PPFIA1: variants seen among roughly 807,000 people sequenced by gnomAD.
PPFIA1 encodes PPFI scaffold protein A1.
In PPFIA1, 25 loss-of-function variants were observed where a neutral mutation model predicts 149.9. That is an observed-to-expected ratio of 0.17 (90% confidence interval 0.12 to 0.23). The LOEUF (loss-of-function observed/expected upper bound fraction) is 0.23. PPFIA1 is among the 10% of genes least tolerant of loss of function. The pLI is 1.00. For synonymous variants in PPFIA1, 549 were observed against 552.8 expected (o/e 0.99, Z 0.10); for missense variants, 1,362 against 1,506.5 (o/e 0.90, Z 1.59).
intron 19 of PPFIA1, among the ~76,000 whole-genome samples, chr11:70,360,164 T>C (rs2056566196): frequency 6.6e-6 from 1 of 152,258 alleles, no homozygotes; most frequent in South Asian, 2.1e-4. Context: ...CTACCTCCAC[T>C]GTCTTAACAC....
intron 19 of PPFIA1, among the ~76,000 whole-genome samples, chr11:70,357,759 T>C (rs952898083): frequency 6.6e-6 from 1 of 152,218 alleles, no homozygotes; most frequent in East Asian, 1.9e-4. Flanking sequence ...GGCTAATTTT[T>C]TGTATTTTTA....
chr11:70,301,817 CATA>C (rs1184437290), intron 2 of PPFIA1, among the ~76,000 whole-genome samples: 3 of 152,312 alleles, frequency 2.0e-5, no homozygotes, highest in African/African-American at 7.2e-5. Flanking sequence ...TGAAACCATT[CATA>C]GAGCTCTCGT....
At chr11:70,312,806 C>T (rs917319179) in intron 2 of PPFIA1, among the ~76,000 whole-genome samples, 2 of 152,330 alleles carry the variant, frequency 1.3e-5, no homozygotes, top group African/African-American at 4.8e-5. Flanking sequence ...GGGTGCCCAG[C>T]ACTTTGTCAC....
intron 2 of PPFIA1, among the ~76,000 whole-genome samples, chr11:70,294,897 A>G (rs2051801256): frequency 6.6e-6 from 1 of 151,678 alleles, no homozygotes; most frequent in Admixed American, 6.6e-5. Context: ...ACAGGATCCC[A>G]AGGCAGAAGA....
At chr11:70,349,216 C>T (rs1033454902) in intron 16 of PPFIA1, among the ~76,000 whole-genome samples, 38 of 151,678 alleles carry the variant, frequency 2.5e-4, no homozygotes, top group Admixed American at 2.4e-3. Context: ...TGCTTCGTGG[C>T]TCCCTAAGGA....
intron 23 of PPFIA1, among the ~76,000 whole-genome samples, chr11:70,373,069 C>G (rs1413461099): frequency 6.6e-6 from 1 of 152,126 alleles, no homozygotes; most frequent in Non-Finnish European, 1.5e-5. Context: ...GGAGGAGCTG[C>G]TTAGGGTAAG....
At chr11:70,334,112 A>T (rs916225366) in intron 10 of PPFIA1, among the ~76,000 whole-genome samples, 1 of 152,156 alleles carries the variant, frequency 6.6e-6, no homozygotes, top group Non-Finnish European at 1.5e-5. Flanking sequence ...ACTTCTGTCC[A>T]TTGAATCCTA....
intron 21 of PPFIA1, among the ~76,000 whole-genome samples, chr11:70,371,006 G>C (rs1410758260): frequency 6.6e-6 from 1 of 152,018 alleles, no homozygotes; most frequent in Admixed American, 6.6e-5. Flanking sequence ...GGTGGCTTGT[G>C]CTTGTAATCC....
At chr11:70,330,907 A>C (rs1313647989) in intron 8 of PPFIA1, among the ~76,000 whole-genome samples, 1 of 152,184 alleles carries the variant, frequency 6.6e-6, no homozygotes, top group Non-Finnish European at 1.5e-5. Flanking sequence ...ACTGGACTCC[A>C]GCCTGGGCCA....
intron 2 of PPFIA1, among the ~76,000 whole-genome samples, chr11:70,289,586 G>T (rs1340904470): frequency 6.6e-6 from 1 of 152,180 alleles, no homozygotes; most frequent in Non-Finnish European, 1.5e-5. Flanking sequence ...AGAGTAATGG[G>T]TTTAAAACAA....
At chr11:70,360,806 T>A (rs1028633122) in intron 19 of PPFIA1, among the ~76,000 whole-genome samples, 1 of 152,276 alleles carries the variant, frequency 6.6e-6, no homozygotes, top group Non-Finnish European at 1.5e-5. Context: ...GTATATGTCT[T>A]ATGAAATTAT....
At chr11:70,376,996 C>G (rs900117354) in intron 25 of PPFIA1, among the ~76,000 whole-genome samples, 1 of 151,984 alleles carries the variant, frequency 6.6e-6, no homozygotes, top group Non-Finnish European at 1.5e-5. Flanking sequence ...TCGCTTAAAC[C>G]TGGGAGGTGG....
At chr11:70,276,270 CTTT>C (rs567492443) in intron 2 of PPFIA1, among the ~76,000 whole-genome samples, 2 of 136,492 alleles carry the variant, frequency 1.5e-5, no homozygotes, top group Admixed American at 7.4e-5. Flanking sequence ...CTGCGCCTTG[CTTT>C]TTTTTTTTTT....
At chr11:70,276,676 A>T (rs1162690126) in intron 2 of PPFIA1, among the ~76,000 whole-genome samples, 1 of 152,122 alleles carries the variant, frequency 6.6e-6, no homozygotes, top group Admixed American at 6.5e-5. Context: ...TGAGAAGGAA[A>T]AATTTTAGAA....
intron 21 of PPFIA1, 129 bp downstream of exon 21, chr11:70,362,617 T>C (rs2056719670): frequency 1.1e-6 from 1 of 885,280 alleles, no homozygotes; most frequent in Non-Finnish European, 1.6e-6. Flanking sequence ...TTCAAAATTT[T>C]AGCATCACAT....
At chr11:70,349,335 A>T (rs2055910979) in intron 16 of PPFIA1, among the ~76,000 whole-genome samples, 1 of 152,006 alleles carries the variant, frequency 6.6e-6, no homozygotes, top group Non-Finnish European at 1.5e-5. Context: ...GGAATGTTTA[A>T]AACTTTCCTT....
chr11:70,378,296 C>A, intron 26 of PPFIA1, 101 bp downstream of exon 26: 1 of 1,439,660 alleles, frequency 6.9e-7, no homozygotes, highest in Non-Finnish European at 9.2e-7. Context: ...TAATATGTTA[C>A]AAGGCACTTG....
At chr11:70,286,754 C>CTTT (rs957912008) in intron 2 of PPFIA1, among the ~76,000 whole-genome samples, 38 of 123,972 alleles carry the variant, frequency 3.1e-4, no homozygotes, top group Non-Finnish European at 3.8e-4. Context: ...TTCTTTCTTT[C>CTTT]TTTTTTTTTT....
At chr11:70,368,821 G>T (rs1290479317) in intron 21 of PPFIA1, among the ~76,000 whole-genome samples, 1 of 152,076 alleles carries the variant, frequency 6.6e-6, no homozygotes, top group Non-Finnish European at 1.5e-5. Flanking sequence ...TATTTCTTTT[G>T]CAATTTATGT....
Sources: allele counts gnomAD v4.1 joint callset (sites outside exome capture counted in the v4.1 genomes callset), GRCh38; gene constraint gnomAD v4.1.1; transcripts MANE v1.5; gene names NCBI Gene and HGNC (gene_info 2026-07-23, HGNC 2026-07-21).